The following PTGER3 variants were observed in gnomAD, a reference collection of about 807,000 sequenced individuals.
The protein encoded by PTGER3 is prostaglandin E2 receptor EP3 subtype.
Under a neutral mutation model 34.7 loss-of-function variants are expected in PTGER3, and 22 were observed. The ratio of observed to expected loss-of-function variants is 0.63; its 90% CI spans 0.45 to 0.91. PTGER3 has a LOEUF of 0.91. PTGER3 is among the 40% of genes least tolerant of loss of function. The pLI, the probability that PTGER3 is intolerant of heterozygous loss-of-function variation, is 0.00. For synonymous variants in PTGER3, 241 were observed against 230.1 expected (o/e 1.05, Z -0.43); for missense variants, 468 against 519.4 (o/e 0.90, Z 0.96).
intron 1 of PTGER3, among the ~76,000 whole-genome samples, chr1:71,044,719 A>G (rs1660607477): frequency 6.6e-6 from 1 of 152,138 alleles, no homozygotes; most frequent in African/African-American, 2.4e-5. Context: ...TAAATCAAAA[A>G]CACACTACAT....
At chr1:71,034,433 T>C (rs1309472391) in intron 1 of PTGER3, among the ~76,000 whole-genome samples, 1 of 152,196 alleles carries the variant, frequency 6.6e-6, no homozygotes, top group Non-Finnish European at 1.5e-5. Flanking sequence ...CCAAAGTACC[T>C]GGCACAAAAT....
intron 4 of PTGER3, among the ~76,000 whole-genome samples, chr1:70,919,839 G>T (rs1430626723): frequency 6.6e-6 from 1 of 152,092 alleles, no homozygotes; most frequent in East Asian, 1.9e-4. Context: ...CATTTGTATT[G>T]CCCTAGGCTT....
At chr1:70,986,253 G>A (rs930409929) in intron 2 of PTGER3, among the ~76,000 whole-genome samples, 1 of 152,070 alleles carries the variant, frequency 6.6e-6, no homozygotes, top group Admixed American at 6.5e-5. Context: ...ATCGACTCTC[G>A]GGGCTGCTTT....
At chr1:70,942,755 G>T (rs1395532318) in intron 4 of PTGER3, among the ~76,000 whole-genome samples, 1 of 152,094 alleles carries the variant, frequency 6.6e-6, no homozygotes, top group Admixed American at 6.6e-5. Flanking sequence ...AGGTCTTCAG[G>T]GTGGGCCTTA....
In PTGER3 at chr1:71,046,744, G is replaced by C. The variant is rs1410946264; in HGVS notation, c.834C>G (p.Thr278=). 9 of 1,611,668 alleles carry C rather than the reference G, an allele frequency of 5.6e-6. No homozygotes were observed. In the South Asian group the frequency reaches 8.8e-5, roughly 16 times the overall value. ...QSSAQWGRIT[T]ETAIQLMGIM... ...TCCCCATAAGCTGAATGGCCGTCTC[G>C]GTCGTGATGCGGCCCCACTGGGCAC... The change falls in exon 1 of 4, where the codon ACC becomes ACG. Residue 278 remains threonine, a synonymous_variant. Coordinates refer to ENST00000306666, the MANE Select transcript of PTGER3 (RefSeq NM_198719.2).
intron 1 of PTGER3, among the ~76,000 whole-genome samples, chr1:71,041,325 T>C (rs1318261040): frequency 6.6e-6 from 1 of 152,204 alleles, no homozygotes; most frequent in Non-Finnish European, 1.5e-5. Flanking sequence ...GCTTACCTTG[T>C]GTTTGCGTGG....
chr1:70,983,038 G>A (rs915394087), intron 2 of PTGER3, among the ~76,000 whole-genome samples: 1 of 152,006 alleles, frequency 6.6e-6, no homozygotes, highest in Non-Finnish European at 1.5e-5. Context: ...TGAGGGTGAA[G>A]CTTTGAAGAA....
intron 2 of PTGER3, among the ~76,000 whole-genome samples, chr1:70,987,391 A>G (rs533624141): frequency 1.3e-5 from 2 of 152,350 alleles, no homozygotes; most frequent in East Asian, 1.9e-4. Context: ...AGTTTTTTAC[A>G]AGGTAAATTA....
chr1:70,856,250 A>C (rs1203408662), intron 4 of PTGER3, among the ~76,000 whole-genome samples: 1 of 152,098 alleles, frequency 6.6e-6, no homozygotes, highest in Non-Finnish European at 1.5e-5. Context: ...ATTAGCTTTT[A>C]TACAATGTGA....
In PTGER3 at chr1:70,942,306, T is replaced by G. The variant is rs114354415; in HGVS notation, c.*23+11457A>C. On this transcript the variant is annotated intron_variant, in intron 4 of 4. Coordinates refer to the PTGER3 transcript ENST00000370931. ...ACCTGTAGCACCAACCCTGAACTAT[T>G]CCTTGAAGGAGAAATAAACTTGTGT... Among the ~76,000 whole-genome samples, 559 of 152,306 alleles carry G rather than the reference T, an allele frequency of 3.7e-3. 1 individual carries two copies. Among genetic ancestry groups the G allele is most frequent in the African/African-American group, 0.013 (538 of 41,566 alleles).
chr1:70,889,096 C>A (rs190668443), intron 4 of PTGER3, among the ~76,000 whole-genome samples: 128 of 152,170 alleles, frequency 8.4e-4, no homozygotes, highest in South Asian at 7.3e-3. Flanking sequence ...TGCTCTTTAG[C>A]GACAGGCAAA....
downstream of PTGER3, among the ~76,000 whole-genome samples, chr1:70,966,188 T>C (rs996223379): frequency 6.6e-6 from 1 of 152,224 alleles, no homozygotes; most frequent in Admixed American, 6.5e-5. Flanking sequence ...GTACAGGCTA[T>C]ATATCTTCTG....
downstream of PTGER3, chr1:70,952,414 A>C: frequency 1.0e-6 from 1 of 985,108 alleles, no homozygotes; most frequent in Non-Finnish European, 1.2e-6. Flanking sequence ...TAAAAGTGGA[A>C]GTTTTTTGCC....
At chr1:70,852,932 G>T in intron 4 of PTGER3, 1 of 1,495,668 alleles carries the variant, frequency 6.7e-7, no homozygotes, top group Non-Finnish European at 9.3e-7. Context: ...AAAATCAAAG[G>T]CAATAAATTC....
At chr1:70,924,957 C>A (rs1253097406) in intron 4 of PTGER3, among the ~76,000 whole-genome samples, 1 of 152,122 alleles carries the variant, frequency 6.6e-6, no homozygotes, top group African/African-American at 2.4e-5. Flanking sequence ...GTTCAGTTAT[C>A]TGTCTGTTTT....
intron 4 of PTGER3, among the ~76,000 whole-genome samples, chr1:70,887,472 C>G (rs940367976): frequency 6.6e-6 from 1 of 152,094 alleles, no homozygotes; most frequent in Non-Finnish European, 1.5e-5. Flanking sequence ...CCTGCCTCCC[C>G]CATTTTTGGT....
At chr1:71,000,757 T>G (rs1656397095) in intron 2 of PTGER3, among the ~76,000 whole-genome samples, 1 of 152,116 alleles carries the variant, frequency 6.6e-6, no homozygotes, top group Non-Finnish European at 1.5e-5. Context: ...AATTCAAAAC[T>G]TGATGAGTTC....
chr1:70,978,313 TC>T (rs1218657341), intron 2 of PTGER3, among the ~76,000 whole-genome samples: 1 of 152,076 alleles, frequency 6.6e-6, no homozygotes. Flanking sequence ...TTTACAAACC[TC>T]CCCCCACTTT....
intron 2 of PTGER3, among the ~76,000 whole-genome samples, chr1:70,980,171 T>C (rs756654523): frequency 1.3e-5 from 2 of 152,014 alleles, no homozygotes; most frequent in African/African-American, 4.8e-5. Context: ...ATACAGCTAG[T>C]TATTGTGGAT....
Sources: gnomAD v4.1 joint callset for allele counts (sites outside exome capture counted in the v4.1 genomes callset) on GRCh38, gnomAD v4.1.1 for gene constraint, MANE v1.5 for transcripts, NCBI Gene and HGNC (gene_info 2026-07-23, HGNC 2026-07-21) for gene names.